The following SUMF1 variants were observed in gnomAD, a reference collection of about 807,000 sequenced individuals.
The protein encoded by SUMF1 is sulfatase modifying factor 1.
SUMF1 carries 48 observed loss-of-function variants against 47.6 expected under a neutral mutation model. The ratio of observed to expected loss-of-function variants is 1.01; its 90% CI spans 0.80 to 1.28. The LOEUF is 1.28. Among genes scored for constraint, SUMF1 ranks in the 50% most tolerant of loss-of-function variants. SUMF1 has a pLI of 0.00. For missense variants in SUMF1, 571 were observed against 485.4 expected (o/e 1.18, Z -1.66); for synonymous variants, 230 against 192.1 (o/e 1.20, Z -1.63).
chr3:4,303,372 T>A (rs1283242045), intron 8 of SUMF1: 2 of 1,546,872 alleles, frequency 1.3e-6, no homozygotes, highest in Non-Finnish European at 1.7e-6. Context: ...GGCGGGTAAA[T>A]GTTCGCGGAA....
chr3:4,248,949 C>T (rs1190534904), intron 8 of SUMF1, among the ~76,000 whole-genome samples: 3 of 152,190 alleles, frequency 2.0e-5, no homozygotes, highest in Non-Finnish European at 2.9e-5. Context: ...AGAACACAAA[C>T]AGACCACCAG....
intron 8 of SUMF1, among the ~76,000 whole-genome samples, chr3:4,145,395 C>G (rs1352362565): frequency 6.6e-6 from 1 of 151,992 alleles, no homozygotes; most frequent in African/African-American, 2.4e-5. Flanking sequence ...TCAGAGACCC[C>G]ATTACTTTGT....
intron 9 of SUMF1, among the ~76,000 whole-genome samples, chr3:4,066,912 C>G (rs1695390824): frequency 6.6e-6 from 1 of 152,146 alleles, no homozygotes; most frequent in Non-Finnish European, 1.5e-5. Flanking sequence ...ACCACTATTC[C>G]TTGTTTGCCC....
At chr3:4,308,536 A>G (rs1172382370) in intron 8 of SUMF1, among the ~76,000 whole-genome samples, 1 of 152,232 alleles carries the variant, frequency 6.6e-6, no homozygotes. Flanking sequence ...GCATTATTTC[A>G]TTAAAATTTC....
rs146013589 is a variant in SUMF1 at position 4,080,459 on chromosome 3, C to T, written c.1015-11714G>A. On this transcript the variant is annotated intron_variant and NMD_transcript_variant, in intron 8 of 12. Coordinates refer to the SUMF1 transcript ENST00000448413. ...ACCTATGCTAATACTTGAACCAACT[C>T]TTCTTTTTTTTAATTGAATCCAATG... Among the ~76,000 whole-genome samples, 186 of 152,150 alleles carry T rather than the reference C, an allele frequency of 1.2e-3. 1 individual carries two copies. Among genetic ancestry groups the T allele is most frequent in the Admixed American group, 6.7e-3 (103 of 15,280 alleles).
chr3:4,203,805 G>T (rs1695592124), intron 8 of SUMF1, among the ~76,000 whole-genome samples: 1 of 151,074 alleles, frequency 6.6e-6, no homozygotes, highest in Admixed American at 6.6e-5. Flanking sequence ...ATAACATCTT[G>T]TAACTCATTA....
chr3:4,417,003 A>G, intron 6 of SUMF1, 125 bp downstream of exon 6: 1 of 849,768 alleles, frequency 1.2e-6, no homozygotes, highest in African/African-American at 1.7e-5. Flanking sequence ...TACGTGCAAC[A>G]GTGAATGCAT....
At chr3:4,168,507 T>A (rs1347438523) in intron 8 of SUMF1, among the ~76,000 whole-genome samples, 2 of 152,300 alleles carry the variant, frequency 1.3e-5, no homozygotes, top group South Asian at 2.1e-4. Flanking sequence ...TCAATAAATA[T>A]TTTATGCAAA....
At chr3:4,213,621 T>C (rs924780951) in intron 8 of SUMF1, among the ~76,000 whole-genome samples, 3 of 152,070 alleles carry the variant, frequency 2.0e-5, no homozygotes, top group African/African-American at 7.2e-5. Context: ...GACTGGCAAA[T>C]TGGATAGAGT....
At chr3:4,321,976 C>T (rs968302417) in intron 8 of SUMF1, among the ~76,000 whole-genome samples, 11 of 152,114 alleles carry the variant, frequency 7.2e-5, no homozygotes, top group Non-Finnish European at 1.5e-5. Context: ...AAAGATGGTA[C>T]ATTAACTCTG....
At chr3:4,407,777 G>A (rs1386260214) in intron 7 of SUMF1, among the ~76,000 whole-genome samples, 1 of 152,198 alleles carries the variant, frequency 6.6e-6, no homozygotes, top group African/African-American at 2.4e-5. Context: ...TCAAATGGCA[G>A]ATGTAAGGCT....
At chr3:4,341,180 CT>C (rs1333091833) in intron 8 of SUMF1, among the ~76,000 whole-genome samples, 1 of 151,976 alleles carries the variant, frequency 6.6e-6, no homozygotes, top group Non-Finnish European at 1.5e-5. Context: ...ACATCAGCAT[CT>C]TGCCAGATTT....
At chr3:4,312,948 A>G (rs764967658) in intron 8 of SUMF1, 15 of 1,613,784 alleles carry the variant, frequency 9.3e-6, no homozygotes, top group Non-Finnish European at 5.9e-6. Context: ...ATCCCACTCA[A>G]ATAACCTTTC....
intron 8 of SUMF1, among the ~76,000 whole-genome samples, chr3:4,116,982 A>C: frequency 6.6e-6 from 1 of 152,062 alleles, no homozygotes; most frequent in East Asian, 1.9e-4. Context: ...GGTGAACAAA[A>C]CAAAGCTCTA....
chr3:4,236,305 GT>G (rs1696408236), intron 8 of SUMF1, among the ~76,000 whole-genome samples: 2 of 152,100 alleles, frequency 1.3e-5, no homozygotes, highest in Admixed American at 6.6e-5. Flanking sequence ...ATATTGATAA[GT>G]TGTAAATTTC....
intron 8 of SUMF1, among the ~76,000 whole-genome samples, chr3:4,216,718 A>G (rs970533997): frequency 2.6e-5 from 4 of 152,144 alleles, no homozygotes; most frequent in Non-Finnish European, 4.4e-5. Context: ...TGAACAAGCA[A>G]TTCTCAAAAG....
At chr3:4,117,067 T>C (rs1693439148) in intron 8 of SUMF1, among the ~76,000 whole-genome samples, 1 of 152,172 alleles carries the variant, frequency 6.6e-6, no homozygotes, top group Admixed American at 6.5e-5. Context: ...ACACAAGATA[T>C]TCATAATATT....
intron 8 of SUMF1, among the ~76,000 whole-genome samples, chr3:4,249,957 G>A (rs1459759886): frequency 6.6e-6 from 1 of 152,190 alleles, no homozygotes; most frequent in African/African-American, 2.4e-5. Flanking sequence ...GCCGAGGCAG[G>A]TAGATCACTT....
At chr3:4,158,262 C>T (rs749933864) in intron 8 of SUMF1, among the ~76,000 whole-genome samples, 53 of 151,490 alleles carry the variant, frequency 3.5e-4, no homozygotes, top group Non-Finnish European at 2.4e-4. Flanking sequence ...TTCCAAAGTT[C>T]CTCTTGTTAT....
Sources: gnomAD v4.1 joint callset for allele counts (sites outside exome capture counted in the v4.1 genomes callset) on GRCh38, gnomAD v4.1.1 for gene constraint, MANE v1.5 for transcripts, NCBI Gene and HGNC (gene_info 2026-07-23, HGNC 2026-07-21) for gene names.